GDF1: variants seen among roughly 807,000 people sequenced by gnomAD.
The protein encoded by GDF1 is growth differentiation factor 1.
Under a neutral mutation model 7.4 loss-of-function variants are expected in GDF1, and 8 were observed. The ratio of observed to expected loss-of-function variants is 1.09; its 90% CI spans 0.64 to 1.96. GDF1 has a LOEUF of 1.96. GDF1 is among the 30% of genes most tolerant of loss of function. The pLI is 0.00. For synonymous variants in GDF1, 311 were observed against 276.7 expected (o/e 1.12, Z -1.23); for missense variants, 574 against 551.5 (o/e 1.04, Z -0.41).
At chr19:18,890,803 A>G (rs899816141) in intron 2 of GDF1, among the ~76,000 whole-genome samples, 5 of 146,700 alleles carry the variant, frequency 3.4e-5, no homozygotes, top group South Asian at 2.1e-4. Context: ...AAAAAAAAAA[A>G]GCAGCTAAAG....
Position 18,878,457 on chromosome 19 carries a change from G to A in GDF1, c.-313+473C>T. 6.0e-6 allele frequency: 6 copies of A among 992,552 alleles called. No individual in the cohort carries two copies. Among genetic ancestry groups the A allele is most frequent in the Non-Finnish European group, 7.2e-6 (6 of 833,866 alleles). 61.5% of individuals were successfully genotyped at this position (992,552 alleles called of 1,614,324 possible). On this transcript the variant is annotated intron_variant, in intron 6 of 7. Coordinates refer to ENST00000247005, the MANE Select transcript of GDF1 (RefSeq NM_001492.6). This position sits in a 1 kb window ranked among gnomAD's most constrained non-coding sequence, Gnocchi z 4.6. ...GTTTGGCCGGGCAGTGGGCTCCCCT[G>A]TCAAACTCAGAGGCCAGGATGTCTC...
intron 2 of GDF1, among the ~76,000 whole-genome samples, chr19:18,891,121 CA>C (rs879696067): frequency 0.024 from 2,428 of 99,646 alleles, 14 homozygotes; most frequent in Non-Finnish European, 0.029. Flanking sequence ...GAGACTGTCT[CA>C]AAAAAAAAAA....
At chr19:18,872,501 C>CCA (rs887555910) in intron 6 of GDF1, among the ~76,000 whole-genome samples, 5 of 151,890 alleles carry the variant, frequency 3.3e-5, no homozygotes, top group African/African-American at 1.2e-4. Context: ...GCATGCAACA[C>CCA]CATGCCCGGG....
chr19:18,893,671 C>CTTCCCAGTGCTGCCCGGCCT, intron 1 of GDF1, 96 bp from the exon 2 acceptor site: 1 of 1,301,608 alleles, frequency 7.7e-7, no homozygotes, highest in Non-Finnish European at 1.1e-6. Flanking sequence ...CTCCCCAGGC[C>CTTCCCAGTGCTGCCCGGCCT]GGGCAGCACT....
rs376300384 is a variant in GDF1 at position 18,880,385 on chromosome 19, A to G, written c.-682T>C. ...GTTGAGCTTGGTGAACTCAAGCTGC[A>G]CGTCACTGATATCGTGCAGGAAGAG... On this transcript the variant is annotated 5_prime_UTR_variant, in exon 4 of 8. Transcript: ENST00000247005. The G allele has an allele frequency of 1.9e-6, 3 of 1,582,672 alleles. No individual in the cohort carries two copies. The highest frequency in any genetic ancestry group is 2.6e-6 in the Non-Finnish European group (3 of 1,164,464).
chr19:18,878,998 C>T lies in GDF1; in HGVS notation c.-381G>A, dbSNP rs373503454. ...ACTCCCGCAGGTCCTTCAGCTCGTG[C>T]ACCTGGCCTGTCAACACCTTGGCTG... On this transcript the variant is annotated 5_prime_UTR_variant, in exon 6 of 8. Coordinates refer to ENST00000247005, the MANE Select transcript of GDF1 (RefSeq NM_001492.6). This position sits in a 1 kb window ranked among gnomAD's most constrained non-coding sequence, Gnocchi z 4.6. 310 of 1,613,650 alleles carry T rather than the reference C, an allele frequency of 1.9e-4. No homozygotes were observed. The highest frequency in any genetic ancestry group is 2.5e-4 in the Non-Finnish European group (300 of 1,179,846).
At chr19:18,872,132 T>C (rs1321281224) in intron 6 of GDF1, among the ~76,000 whole-genome samples, 1 of 152,266 alleles carries the variant, frequency 6.6e-6, no homozygotes, top group African/African-American at 2.4e-5. Flanking sequence ...AGAGTATAGA[T>C]TCCTCTAATG....
rs1306271065 is a variant in GDF1, at chr19:18,884,171, A to G, written c.-817T>C. ...CACCGAGTCCTTGCGCCAGGTGTCC[A>G]TGTATAGCGTAGCGTAGATGGAGTG... On this transcript the variant is annotated 5_prime_UTR_variant, in exon 3 of 8. The change abolishes an upstream ATG in the 5' untranslated region. Coordinates refer to ENST00000247005, the MANE Select transcript of GDF1 (RefSeq NM_001492.6). The G allele has an allele frequency of 6.2e-7, 1 of 1,613,612 alleles. No individual in the cohort carries two copies. The highest frequency in any genetic ancestry group is 8.5e-7 in the Non-Finnish European group (1 of 1,179,796).
At position 18,878,270 on chromosome 19, in the gene GDF1, G is replaced by A; in HGVS notation, c.-313+660C>T. 1 of 985,708 alleles carries A rather than the reference G, an allele frequency of 1.0e-6. No homozygotes were observed. Among genetic ancestry groups the A allele is most frequent in the Non-Finnish European group, 1.2e-6 (1 of 830,308 alleles). The allele number at this position is 985,708 out of a possible 1,614,324, so 61.1% of individuals were successfully genotyped here. On this transcript the variant is annotated intron_variant, in intron 6 of 7. Transcript: ENST00000247005. The surrounding 1 kb of genome is among the most constrained non-coding windows in gnomAD (Gnocchi z 4.6). Reference sequence around the variant, plus strand: ...CCGACTCTGCTTGTTACCCAGTTTGGCCTCCGTTCATCCCTGGCCCAGACA... The same window carrying A: ...CCGACTCTGCTTGTTACCCAGTTTGACCTCCGTTCATCCCTGGCCCAGACA...
rs1415089637 is a variant in GDF1 at position 18,870,382 on chromosome 19, G to A, written c.-75C>T. On this transcript the variant is annotated 5_prime_UTR_variant, in exon 7 of 8. Coordinates refer to ENST00000247005, the MANE Select transcript of GDF1 (RefSeq NM_001492.6). The surrounding 1 kb of genome is among the most constrained non-coding windows in gnomAD (Gnocchi z 5.1). ...GGACCAGTGGGCTGAGGGCGGGGCC[G>A]GTGTCCCCGGAGGGGCAGGGGTCCT... is the stretch of plus-strand genomic sequence containing the variant. The A allele has an allele frequency of 2.0e-6, 3 of 1,507,052 alleles. No homozygotes were observed. The highest frequency in any genetic ancestry group is 2.0e-5 in the Admixed American group (1 of 50,356). The allele number at this position is 1,507,052 out of a possible 1,614,324, so 93.4% of individuals were successfully genotyped here.
At chr19:18,893,307 T>A in intron 2 of GDF1, 109 bp downstream of exon 2, 1 of 1,296,764 alleles carries the variant, frequency 7.7e-7, no homozygotes, top group Admixed American at 2.4e-5. Flanking sequence ...CTCCAACTCC[T>A]GGGCTCCAGT....
At chr19:18,892,235 G>A (rs376334622) in intron 2 of GDF1, among the ~76,000 whole-genome samples, 2 of 151,526 alleles carry the variant, frequency 1.3e-5, no homozygotes, top group East Asian at 2.0e-4. Flanking sequence ...GGTGCAAGCC[G>A]AGGGGACCCT....
At position 18,888,889 on chromosome 19, in the gene GDF1, C is replaced by CTTT. The variant is rs756124590; in HGVS notation, c.-914+4524_-914+4526dup. Among the ~76,000 whole-genome samples, 424 of 122,892 alleles carry CTTT rather than the reference C, an allele frequency of 3.5e-3. 5 individuals carry two copies. Among genetic ancestry groups the CTTT allele is most frequent in the African/African-American group, 0.012 (397 of 32,362 alleles). The allele number at this position is 122,892 out of a possible 152,430, so 80.6% of individuals were successfully genotyped here. ...CCCCTATTCCAGAATTTCTTTCTTTCTTTTTTTTTTTTTTTTTTTTGAGAC... is the reference window on the plus strand; with the variant it reads ...CCCCTATTCCAGAATTTCTTTCTTTCTTTTTTTTTTTTTTTTTTTTTTTGAGAC... On this transcript the variant is annotated intron_variant, in intron 2 of 7. Transcript: ENST00000247005.
rs1568289083 is a variant in GDF1, at chr19:18,868,591, C to T, written c.*6G>A. ...TTGTTGGGCCCGCGTCCCTGCCCGC[C>T]CCGGGTTAGCGGCAGCCGCACTCGT... is the stretch of plus-strand genomic sequence containing the variant. On this transcript the variant is annotated 3_prime_UTR_variant, in exon 8 of 8. Coordinates refer to ENST00000247005, the MANE Select transcript of GDF1 (RefSeq NM_001492.6). 2 of 1,552,692 alleles carry T rather than the reference C, an allele frequency of 1.3e-6. No homozygotes were observed. The highest frequency in any genetic ancestry group is 1.7e-6 in the Non-Finnish European group (2 of 1,147,212).
intron 6 of GDF1, among the ~76,000 whole-genome samples, chr19:18,874,432 G>A (rs767326838): frequency 3.3e-5 from 5 of 152,202 alleles, no homozygotes; most frequent in Non-Finnish European, 7.3e-5. Flanking sequence ...GCCTCCCAAA[G>A]TGCTGGGATT....
At chr19:18,889,064 G>T (rs955248543) in intron 2 of GDF1, among the ~76,000 whole-genome samples, 1 of 151,458 alleles carries the variant, frequency 6.6e-6, no homozygotes, top group Non-Finnish European at 1.5e-5. Context: ...GCTAATTTTT[G>T]TATTTTTAGT....
At chr19:18,886,514 C>T (rs56165767) in intron 2 of GDF1, among the ~76,000 whole-genome samples, 4,617 of 152,204 alleles carry the variant, frequency 0.03, 101 homozygotes, top group Non-Finnish European at 0.039. Flanking sequence ...AAGATGTTGC[C>T]ACTGCACTCC....
At chr19:18,894,218 T>C (rs1314939012) in intron 1 of GDF1, among the ~76,000 whole-genome samples, 1 of 113,204 alleles carries the variant, frequency 8.8e-6, no homozygotes, top group East Asian at 3.1e-4. Context: ...AGGAAGCTGC[T>C]GGCTCCAAGG....
intron 6 of GDF1, among the ~76,000 whole-genome samples, chr19:18,873,733 C>T (rs1377354310): frequency 1.3e-5 from 2 of 151,022 alleles, no homozygotes; most frequent in African/African-American, 2.4e-5. Context: ...CCCAGCTACT[C>T]GGGAGGCTGA....
Sources: gnomAD v4.1 joint callset for allele counts (sites outside exome capture counted in the v4.1 genomes callset) on GRCh38, gnomAD v4.1.1 for gene constraint, Gnocchi (gnomAD v3.1) non-coding constraint, MANE v1.5 for transcripts, NCBI Gene and HGNC (gene_info 2026-07-23, HGNC 2026-07-21) for gene names.